The following MKS1 variants were observed in gnomAD, a reference collection of about 807,000 sequenced individuals.
MKS1 encodes MKS transition zone complex subunit 1.
A neutral mutation model predicts 83.7 loss-of-function variants in MKS1; 70 were observed. The ratio of observed to expected loss-of-function variants is 0.84; its 90% CI spans 0.69 to 1.02. The LOEUF (loss-of-function observed/expected upper bound fraction) is 1.02, where lower values mean the gene tolerates loss of function less well. Ranked by LOEUF, MKS1 falls within the 50% of genes least tolerant of loss-of-function variation. The pLI, the probability that MKS1 is intolerant of heterozygous loss-of-function variation, is 0.00. For synonymous variants in MKS1, 251 were observed against 273.4 expected (o/e 0.92, Z 0.81); for missense variants, 681 against 726.9 (o/e 0.94, Z 0.73).
At chr17:58,213,913 A>G (rs1326468578) in intron 6 of MKS1, 44 bp from the exon 7 acceptor site, 2 of 1,508,564 alleles carry the variant, frequency 1.3e-6, no homozygotes, top group East Asian at 2.3e-5. Flanking sequence ...ATGGTCCTTC[A>G]GGGAAACAAG....
At position 58,214,917 on chromosome 17, in the gene MKS1, C is replaced by A. The variant is rs190815007; in HGVS notation, c.418-79G>T. ...CAAGTACCTGAAGGGAAGTCTTCCT[C>A]CTGAAACCTCATCCAGGACCTGAAC... On this transcript the variant is annotated intron_variant, in intron 4 of 17. Transcript: ENST00000393119. The A allele has an allele frequency of 3.7e-4, 569 of 1,532,032 alleles. No homozygotes were observed. The highest frequency in any genetic ancestry group is 4.7e-4 in the Non-Finnish European group (537 of 1,144,242). 94.9% of individuals were successfully genotyped at this position (1,532,032 alleles called of 1,614,324 possible).
At chr17:58,218,898 G>A (rs1428195309) in intron 1 of MKS1, 169 bp from the exon 2 acceptor site, 4 of 825,008 alleles carry the variant, frequency 4.8e-6, no homozygotes, top group Non-Finnish European at 8.0e-6. Flanking sequence ...AGAATGAAGG[G>A]GAGAGGGTGT....
Position 58,207,191 on chromosome 17 carries a change from CACGTGGAGACTGTCAGGGTG to C in MKS1, c.1281_1300del (p.His427GlnfsTer11). 1.2e-6 allele frequency: 2 copies of C among 1,614,182 alleles called. No homozygotes were observed. The highest frequency in any genetic ancestry group is 1.7e-6 in the Non-Finnish European group (2 of 1,180,042). On this transcript the variant is annotated frameshift_variant, in exon 15 of 18. Transcript: ENST00000393119. LOFTEE classifies it high-confidence loss of function. ...CACCGTGCCAAGCTCCACAGGTCTC[CACGTGGAGACTGTCAGGGTG>C]TGTGAGCCTGCGCAAGGGAAGAGAA...
At position 58,206,487 on chromosome 17, in the gene MKS1, A is replaced by C. The variant is rs2143737631; in HGVS notation, c.1468T>G (p.Leu490Val). 1.2e-6 allele frequency: 2 copies of C among 1,614,120 alleles called. No homozygotes were observed. The highest frequency in any genetic ancestry group is 1.7e-6 in the Non-Finnish European group (2 of 1,180,012). ...TETTGTVTFR[L>V]HCLQQSRAFM... ...CACCTGGACTGCTGCAGACAGTGCA[A>C]GCGGAAGGTGACAGTGCCTGTGGTC... Residue 490 changes from leucine (L) to valine (V), a missense_variant, in exon 16 of 18, where the codon TTG becomes GTG. Physicochemically the swap from Leu to Val is conservative, Grantham distance 32. Transcript: ENST00000393119.
chr17:58,212,519 A>G, intron 8 of MKS1, 85 bp from the exon 9 acceptor site: 1 of 1,451,754 alleles, frequency 6.9e-7, no homozygotes, highest in Non-Finnish European at 9.7e-7. Context: ...GAAAAGCAAT[A>G]GTGGGAAGGG....
chr17:58,218,438 A>T (rs1969374937), intron 2 of MKS1, 182 bp downstream of exon 2: 1 of 419,700 alleles, frequency 2.4e-6, no homozygotes, highest in Non-Finnish European at 4.1e-6. Flanking sequence ...AAAGAGCAAG[A>T]CTCCGTCTCA....
In MKS1 at chr17:58,207,897, G is replaced by T; in HGVS notation, c.1270C>A (p.Pro424Thr). The T allele has an allele frequency of 6.2e-7, 1 of 1,613,582 alleles. No individual in the cohort carries two copies. Among genetic ancestry groups the T allele is most frequent in the South Asian group, 1.1e-5 (1 of 91,062 alleles). Residue 424 changes from proline to threonine, a missense_variant, in exon 14 of 18, where the codon CCA (proline) becomes ACA (threonine). Around this residue, in one of 3 missense-constraint regions of MKS1, gnomAD observed 310 missense variants for 321.7 expected, o/e 0.96. Coordinates refer to ENST00000393119, the MANE Select transcript of MKS1 (RefSeq NM_017777.4). ...AAGGGCAGAGACGAGCGGTTACCTGGAGTGGCAGGCAGCACCACAGCCCCA... is the reference window on the plus strand; with the variant it reads ...AAGGGCAGAGACGAGCGGTTACCTGTAGTGGCAGGCAGCACCACAGCCCCA... ...GYGAVVLPAT[P>T]GSHTLTVSTW...
rs1297179764 is a variant in MKS1, at chr17:58,215,998, T to C, written c.417+90A>G. 4 of 1,487,784 alleles carry C rather than the reference T, an allele frequency of 2.7e-6. No individual in the cohort carries two copies. The East Asian group carries it at 9.1e-5, about 34-fold the overall frequency. The allele number at this position is 1,487,784 out of a possible 1,614,324, so 92.2% of individuals were successfully genotyped here. On this transcript the variant is annotated intron_variant, in intron 4 of 17. Transcript: ENST00000393119. ...AGACAGGCTACTTGTCTCCCCTTACTAGGCTCTGACATAACACACAGAACT... is the reference window on the plus strand; with the variant it reads ...AGACAGGCTACTTGTCTCCCCTTACCAGGCTCTGACATAACACACAGAACT...
chr17:58,215,439 A>T (rs1055491648), intron 4 of MKS1, among the ~76,000 whole-genome samples: 1 of 152,058 alleles, frequency 6.6e-6, no homozygotes. Flanking sequence ...TTATCAATCC[A>T]CAGCTCTAAT....
Position 58,206,309 on chromosome 17 carries a change from T to G in MKS1, c.1562A>C (p.Gln521Pro). ...SVLDRLEGFS[Q>P]QSSIHNVLEA... Reference sequence around the variant, plus strand: ...TAGCACATTGTGAATGGAACTCTGCTGGCTGAACCCTTCCAGACGGTCCAA... The same window carrying G: ...TAGCACATTGTGAATGGAACTCTGCGGGCTGAACCCTTCCAGACGGTCCAA... The change falls in exon 17 of 18, where the codon CAG (glutamine) becomes CCG (proline). Residue 521 changes from glutamine (Q) to proline (P), a missense_variant. By Grantham distance (76) the Gln-to-Pro change is moderately conservative. Transcript: ENST00000393119. 1 of 1,614,160 alleles carries G rather than the reference T, an allele frequency of 6.2e-7. No individual in the cohort carries two copies. Among genetic ancestry groups the G allele is most frequent in the Non-Finnish European group, 8.5e-7 (1 of 1,180,022 alleles).
intron 7 of MKS1, 80 bp from the exon 8 acceptor site, chr17:58,213,170 G>C: frequency 7.6e-7 from 1 of 1,318,950 alleles, no homozygotes; most frequent in Non-Finnish European, 1.1e-6. Context: ...CCAGGGATGA[G>C]CGATCAGGGG....
Position 58,214,394 on chromosome 17 carries a change from G to A in MKS1, c.516-7C>T. On this transcript the variant is annotated splice_region_variant and splice_polypyrimidine_tract_variant and intron_variant, in intron 5 of 17. Transcript: ENST00000393119. ...CTTGAGGATGCCGCCCTCCCTGGGAGACACCACAGAAAGGTCACTTCCCTG... is the reference window on the plus strand; with the variant it reads ...CTTGAGGATGCCGCCCTCCCTGGGAAACACCACAGAAAGGTCACTTCCCTG... 6.2e-7 allele frequency: 1 copy of A among 1,612,718 alleles called. No homozygotes were observed. Among genetic ancestry groups the A allele is most frequent in the Non-Finnish European group, 8.5e-7 (1 of 1,180,006 alleles).
Position 58,206,547 on chromosome 17 carries a change from C to T in MKS1, c.1408G>A (p.Gly470Arg). 1.2e-6 allele frequency: 2 copies of T among 1,612,128 alleles called. No homozygotes were observed. Among genetic ancestry groups the T allele is most frequent in the South Asian group, 1.1e-5 (1 of 91,070 alleles). The change falls in exon 16 of 18, where the codon GGG becomes AGG. Residue 470 changes from glycine to arginine, a missense_variant and splice_region_variant. Around this residue, in one of 3 missense-constraint regions of MKS1, gnomAD observed 310 missense variants for 321.7 expected, o/e 0.96. Transcript: ENST00000393119. ...AGTCCAAAGCGGCTCAGGCGTTCCCCCTGTGGCATGCCATTGGGACAGCCT... is the reference window on the plus strand; with the variant it reads ...AGTCCAAAGCGGCTCAGGCGTTCCCTCTGTGGCATGCCATTGGGACAGCCT... ...SYVRIPGSFK[G>R]ERLSRFGLRT...
intron 4 of MKS1, among the ~76,000 whole-genome samples, chr17:58,215,211 G>A (rs1969121254): frequency 6.6e-6 from 1 of 152,084 alleles, no homozygotes; most frequent in Admixed American, 6.6e-5. Flanking sequence ...CATGGTAACT[G>A]AGCACTAACT....
Position 58,209,368 on chromosome 17 carries a change from C to T in MKS1, c.1025-785G>A, listed in dbSNP as rs1968738555. ...TTGGTAACTAGATAGAAAAGATCCC[C>T]ATCTCTCATGGAGCTGACATTCTGG... is the stretch of plus-strand genomic sequence containing the variant. On this transcript the variant is annotated intron_variant, in intron 11 of 17. Coordinates refer to ENST00000393119, the MANE Select transcript of MKS1 (RefSeq NM_017777.4). The surrounding 1 kb of genome is among the most constrained non-coding windows in gnomAD (Gnocchi z 4.1). Among the ~76,000 whole-genome samples the T allele has an allele frequency of 6.6e-6, 1 of 152,138 alleles. No individual in the cohort carries two copies.
Position 58,210,701 on chromosome 17 carries a change from C to T in MKS1, c.982G>A (p.Asp328Asn). The part of the protein sequence containing the change: ...EVVSAQGYEY[D>N]NLYVHFFVEL... ...ACAAAGAAGTGGACGTAGAGATTGT[C>T]ATACTCATAGCCTTGGGCTGAAACT... Residue 328 changes from aspartate (D) to asparagine (N), a missense_variant, in exon 11 of 18, where the codon GAC (aspartate) becomes AAC (asparagine). Physicochemically the swap from Asp to Asn is conservative, Grantham distance 23. Around this residue, in one of 3 missense-constraint regions of MKS1, gnomAD observed 310 missense variants for 321.7 expected, o/e 0.96. Transcript: ENST00000393119. 1 of 1,614,138 alleles carries T rather than the reference C, an allele frequency of 6.2e-7. No homozygotes were observed.
rs1567803107 is a variant in MKS1, at chr17:58,214,269, GC to G, written c.633del (p.Tyr213IlefsTer16). Reference protein sequence around the residue: ...LQTMHIMADLGPYKKLGYKKY... With the variant: ...LQTMHIMADLXPYKKLGYKKY... ...AGAAGCGCCACTCACTTTTTATAGG[GC>G]CCCAGGTCTGCCATGATGTGCATTG... On this transcript the variant is annotated frameshift_variant, in exon 6 of 18. Transcript: ENST00000393119. LOFTEE classifies it high-confidence loss of function. 16 of 1,614,132 alleles carry G rather than the reference GC, an allele frequency of 9.9e-6. No individual in the cohort carries two copies. The highest frequency in any genetic ancestry group is 1.4e-5 in the Non-Finnish European group (16 of 1,180,032).
rs1400313791 is a variant in MKS1, at chr17:58,219,160, A to G, written c.71T>C (p.Leu24Ser). The G allele has an allele frequency of 6.4e-7, 1 of 1,551,250 alleles. No individual in the cohort carries two copies. Among genetic ancestry groups the G allele is most frequent in the East Asian group, 2.4e-5 (1 of 40,932 alleles). Reference sequence around the variant, plus strand: ...GGGGCGGTGCGACTACCGGAGGCGCAAGTTGCGCACGGGGTCCCGGGAGCG... The same window carrying G: ...GGGGCGGTGCGACTACCGGAGGCGCGAGTTGCGCACGGGGTCCCGGGAGCG... Reference protein sequence around the residue: ...VYRSRDPVRNLRLRVHLQRIT... With the variant: ...VYRSRDPVRNSRLRVHLQRIT... The change falls in exon 1 of 18, where the codon TTG becomes TCG. Residue 24 changes from leucine (L) to serine (S), a missense_variant. Leu to Ser is a moderately radical substitution (Grantham distance 145). This residue lies in a region of MKS1 where 365 missense variants were observed against 383.8 expected (regional missense o/e 0.95). Coordinates refer to ENST00000393119, the MANE Select transcript of MKS1 (RefSeq NM_017777.4).
At chr17:58,219,105 A>G in intron 1 of MKS1, 46 bp downstream of exon 1, 1 of 1,548,050 alleles carries the variant, frequency 6.5e-7, no homozygotes, top group South Asian at 1.2e-5. Context: ...GGAATGATCT[A>G]AGGACACAAA....
Sources: gnomAD v4.1 joint callset for allele counts (sites outside exome capture counted in the v4.1 genomes callset) on GRCh38, gnomAD v4.1.1 for gene constraint, gnomAD v4.1.1 regional missense constraint, Gnocchi (gnomAD v3.1) non-coding constraint, MANE v1.5 for transcripts, NCBI Gene and HGNC (gene_info 2026-07-23, HGNC 2026-07-21) for gene names.